The following ASH2L variants were observed in gnomAD, a reference collection of about 807,000 sequenced individuals.
ASH2L encodes ASH2 like, histone lysine methyltransferase complex subunit, also known as set1/Ash2 histone methyltransferase complex subunit ASH2.
A neutral mutation model predicts 81.1 loss-of-function variants in ASH2L; 30 were observed. The observed-to-expected ratio is 0.37, with a 90% CI of 0.28 to 0.50. The LOEUF (loss-of-function observed/expected upper bound fraction) is 0.50, where lower values mean the gene tolerates loss of function less well. ASH2L is among the 20% of genes least tolerant of loss of function. The probability of loss-of-function intolerance (pLI) is 0.95; values close to 1 mark genes in which losing one functional copy is unlikely to be tolerated. For synonymous variants in ASH2L, 273 were observed against 279.9 expected (o/e 0.98, Z 0.24); for missense variants, 559 against 792.1 (o/e 0.71, Z 3.53).
chr8:38,137,173 T>G (rs1585615111), intron 14 of ASH2L, among the ~76,000 whole-genome samples: 1 of 146,840 alleles, frequency 6.8e-6, no homozygotes, highest in South Asian at 2.2e-4. Context: ...GAGGCCGAGG[T>G]GGGCAGATCA....
intron 1 of ASH2L, chr8:38,105,966 G>C: frequency 5.9e-6 from 9 of 1,524,990 alleles, no homozygotes; most frequent in Admixed American, 4.0e-5. Context: ...CGTTATCTCT[G>C]ATCCTTGCAC....
intron 9 of ASH2L, among the ~76,000 whole-genome samples, chr8:38,120,157 TG>T (rs1811077310): frequency 6.6e-6 from 1 of 152,196 alleles, no homozygotes; most frequent in Non-Finnish European, 1.5e-5. Flanking sequence ...TTAAGTGTCA[TG>T]TTTTACATTT....
chr8:38,114,318 A>G lies in ASH2L; in HGVS notation c.681+31A>G, dbSNP rs774934014. The G allele has an allele frequency of 5.9e-6, 8 of 1,365,364 alleles. No individual in the cohort carries two copies. The South Asian group carries it at 8.8e-5, about 15-fold the overall frequency. 84.6% of individuals were successfully genotyped at this position (1,365,364 alleles called of 1,614,324 possible). A position where few individuals can be genotyped will look rare whatever the true frequency, so the allele number is the denominator to read the frequency against. On this transcript the variant is annotated intron_variant, in intron 6 of 15. Coordinates refer to ENST00000343823, the MANE Select transcript of ASH2L (RefSeq NM_004674.5). ...TAGATTAAAATTGATTAGACTTGAC[A>G]TTTAAAAAACCATTGTTTTTTGTAA...
At position 38,107,173 on chromosome 8, in the gene ASH2L, A is replaced by G. The variant is rs771041637; in HGVS notation, c.401+7A>G. The G allele has an allele frequency of 1.2e-6, 2 of 1,613,366 alleles. No homozygotes were observed. Among genetic ancestry groups the G allele is most frequent in the Non-Finnish European group, 1.7e-6 (2 of 1,179,302 alleles). The stretch of plus-strand genomic sequence containing the variant: ...CATTTGGCATAGATACCTCGTGAGT[A>G]CTTTTCATAGTTTTTGTGAGAATTG... On this transcript the variant is annotated splice_region_variant and intron_variant, in intron 3 of 15. Coordinates refer to ENST00000343823, the MANE Select transcript of ASH2L (RefSeq NM_004674.5).
chr8:38,118,392 T>G lies in ASH2L; in HGVS notation c.854-878T>G, dbSNP rs924892717. On this transcript the variant is annotated intron_variant, in intron 8 of 15. Transcript: ENST00000343823. ...GAAAAATAAAACTAATTGAGAGGAA[T>G]TTGAACTGGACAAAAATTTCAAAGT... 1.8e-4 allele frequency among the ~76,000 whole-genome samples: 27 copies of G among 152,286 alleles called. 1 individual carries two copies. The highest frequency in any genetic ancestry group is 3.4e-3 in the Middle Eastern group (1 of 294).
At chr8:38,127,114 A>G (rs535147242) in intron 10 of ASH2L, among the ~76,000 whole-genome samples, 2 of 150,916 alleles carry the variant, frequency 1.3e-5, no homozygotes, top group East Asian at 2.0e-4. Flanking sequence ...GTGAGTCAAG[A>G]TGACACCACT....
intron 7 of ASH2L, 143 bp from the exon 8 acceptor site, chr8:38,116,507 T>A: frequency 9.0e-6 from 6 of 670,030 alleles, no homozygotes; most frequent in Non-Finnish European, 1.5e-5. Flanking sequence ...TACTACAGAC[T>A]GGGCAATAGA....
At chr8:38,112,102 G>A (rs975572435) in intron 5 of ASH2L, among the ~76,000 whole-genome samples, 12 of 152,130 alleles carry the variant, frequency 7.9e-5, no homozygotes, top group African/African-American at 2.9e-4. Flanking sequence ...AACCTCCTGT[G>A]TTCAAGCTAT....
At chr8:38,129,307 A>T (rs1801967544) in intron 12 of ASH2L, among the ~76,000 whole-genome samples, 1 of 152,176 alleles carries the variant, frequency 6.6e-6, no homozygotes, top group Non-Finnish European at 1.5e-5. Context: ...GTGTACATTC[A>T]CTGAGTTTTG....
intron 12 of ASH2L, among the ~76,000 whole-genome samples, chr8:38,132,851 C>T (rs1454653831): frequency 1.3e-5 from 2 of 150,790 alleles, no homozygotes; most frequent in Admixed American, 1.3e-4. Context: ...GATCCCAGCA[C>T]TTTGGGAGGC....
At chr8:38,129,097 T>A in intron 12 of ASH2L, 146 bp downstream of exon 12, 1 of 1,245,280 alleles carries the variant, frequency 8.0e-7, no homozygotes, top group Non-Finnish European at 1.1e-6. Context: ...AGAATAACAG[T>A]AACAATCGGT....
At chr8:38,136,600 C>T (rs1289477347) in intron 14 of ASH2L, among the ~76,000 whole-genome samples, 2 of 151,164 alleles carry the variant, frequency 1.3e-5, no homozygotes, top group Non-Finnish European at 2.9e-5. Flanking sequence ...CATGGCGAAA[C>T]CCCGTCTCTA....
Position 38,119,141 on chromosome 8 carries a change from C to T in ASH2L, c.854-129C>T, listed in dbSNP as rs536919640. 127 of 785,220 alleles carry T rather than the reference C, an allele frequency of 1.6e-4. No individual in the cohort carries two copies. In the South Asian group the frequency reaches 2.0e-3, roughly 13 times the overall value. 48.6% of individuals were successfully genotyped at this position (785,220 alleles called of 1,614,324 possible). A position where few individuals can be genotyped will look rare whatever the true frequency, so the allele number is the denominator to read the frequency against. ...GAAAACTAGGGTGAAATCCAATATG[C>T]CTTTGGAAGGAAATCCTCCTGTGGT... is the stretch of plus-strand genomic sequence containing the variant. On this transcript the variant is annotated intron_variant, in intron 8 of 15. Coordinates refer to ENST00000343823, the MANE Select transcript of ASH2L (RefSeq NM_004674.5).
At chr8:38,110,904 C>T in intron 5 of ASH2L, 71 bp downstream of exon 5, 1 of 1,217,682 alleles carries the variant, frequency 8.2e-7, no homozygotes, top group Non-Finnish European at 1.2e-6. Context: ...TACTCCCTAA[C>T]AAGTACTTTC....
At chr8:38,133,082 C>T (rs1336508643) in intron 12 of ASH2L, among the ~76,000 whole-genome samples, 2 of 149,320 alleles carry the variant, frequency 1.3e-5, no homozygotes, top group Non-Finnish European at 3.0e-5. Context: ...AGTGAAACTC[C>T]GTCTCAAAAA....
chr8:38,122,666 C>T (rs1801678932), intron 10 of ASH2L, among the ~76,000 whole-genome samples: 1 of 152,178 alleles, frequency 6.6e-6, no homozygotes, highest in African/African-American at 2.4e-5. Context: ...AGCCTTCCTC[C>T]TTTCCTTATT....
intron 10 of ASH2L, among the ~76,000 whole-genome samples, chr8:38,122,643 T>C (rs765868004): frequency 3.9e-5 from 6 of 152,224 alleles, no homozygotes; most frequent in Non-Finnish European, 8.8e-5. Context: ...TTTATATTGA[T>C]ACCTGGGTTG....
intron 1 of ASH2L, chr8:38,106,078 CTG>C: frequency 6.6e-7 from 1 of 1,524,540 alleles, no homozygotes; most frequent in Non-Finnish European, 8.8e-7. Context: ...AACGGTCACT[CTG>C]AAAACAGGGT....
chr8:38,105,628 G>A lies in ASH2L; in HGVS notation c.78G>A (p.Gly26=), dbSNP rs775789680. 3.7e-6 allele frequency: 6 copies of A among 1,605,948 alleles called. No individual in the cohort carries two copies. The highest frequency in any genetic ancestry group is 1.7e-5 in the Admixed American group (1 of 58,560). Residue 26 remains glycine (G), a synonymous_variant, in exon 1 of 16, where the codon GGG becomes GGA. Coordinates refer to ENST00000343823, the MANE Select transcript of ASH2L (RefSeq NM_004674.5). ...CAGGAGCGGTCGCAAATGCAACAGG[G>A]GCAGAAGAGGGGGAGATGAAGCCGG... ...PGPGAVANAT[G]AEEGEMKPVA...
Sources: gnomAD v4.1 joint callset for allele counts (sites outside exome capture counted in the v4.1 genomes callset) on GRCh38, gnomAD v4.1.1 for gene constraint, MANE v1.5 for transcripts, NCBI Gene and HGNC (gene_info 2026-07-23, HGNC 2026-07-21) for gene names.